The following PTPRN2 variants were observed in gnomAD, a reference collection of about 807,000 sequenced individuals.
PTPRN2 encodes protein tyrosine phosphatase receptor type N2, also known as receptor-type tyrosine-protein phosphatase N2.
Under a neutral mutation model 118.8 loss-of-function variants are expected in PTPRN2, and 74 were observed. The observed-to-expected ratio is 0.62, with a 90% confidence interval of 0.52 to 0.76. The LOEUF (loss-of-function observed/expected upper bound fraction) is 0.76. PTPRN2 is among the 30% of genes least tolerant of loss of function. PTPRN2 has a pLI of 0.00. For missense variants in PTPRN2, 1,481 were observed against 1,394.4 expected (o/e 1.06, Z -0.99); for synonymous variants, 641 against 608.0 (o/e 1.05, Z -0.80).
rs1279074158 is a variant in PTPRN2, at chr7:158,526,245, C to T, written c.113-36460G>A. 1.3e-5 allele frequency among the ~76,000 whole-genome samples: 2 copies of T among 152,178 alleles called. No homozygotes were observed. The highest frequency in any genetic ancestry group is 2.1e-4 in the South Asian group (1 of 4,828). On this transcript the variant is annotated intron_variant, in intron 1 of 22. Transcript: ENST00000389418. This position sits in a 1 kb window ranked among gnomAD's most constrained non-coding sequence, Gnocchi z 5.2. Reference sequence around the variant, plus strand: ...CTTGTGTGGCGAAGGGGTCACCCCTCGTGCAGGCTCAGGCCCTCCCTGCCC... The same window carrying T: ...CTTGTGTGGCGAAGGGGTCACCCCTTGTGCAGGCTCAGGCCCTCCCTGCCC...
chr7:158,202,365 G>T (rs527453918), intron 4 of PTPRN2, among the ~76,000 whole-genome samples: 1 of 152,052 alleles, frequency 6.6e-6, no homozygotes, highest in African/African-American at 2.4e-5. Context: ...TGTCAGAGTC[G>T]GGCATGAGGA....
chr7:158,413,404 A>T (rs1161187740), intron 2 of PTPRN2, among the ~76,000 whole-genome samples: 2 of 152,268 alleles, frequency 1.3e-5, no homozygotes, highest in Non-Finnish European at 1.5e-5. Context: ...CAAAAAAATA[A>T]AACATTGTCT....
intron 10 of PTPRN2, among the ~76,000 whole-genome samples, chr7:158,084,159 A>T (rs569316548): frequency 1.3e-5 from 2 of 152,302 alleles, no homozygotes; most frequent in African/African-American, 4.8e-5. Context: ...TGCAGTAAAC[A>T]GGGGCAACAC....
intron 3 of PTPRN2, among the ~76,000 whole-genome samples, chr7:158,314,216 A>G (rs1446652469): frequency 2.0e-5 from 3 of 152,298 alleles, no homozygotes; most frequent in Non-Finnish European, 4.4e-5. Flanking sequence ...AGTCACGCCC[A>G]TTCTCATTGA....
chr7:158,042,282 C>T (rs186321943), intron 11 of PTPRN2, among the ~76,000 whole-genome samples: 35 of 152,272 alleles, frequency 2.3e-4, no homozygotes, highest in African/African-American at 8.2e-4. Flanking sequence ...ATCCGACTGC[C>T]CCATCGTGCT....
In PTPRN2 at chr7:157,736,856, G is replaced by A. The variant is rs560362509; in HGVS notation, c.1789-53919C>T. On this transcript the variant is annotated intron_variant, in intron 12 of 22. Coordinates refer to ENST00000389418, the MANE Select transcript of PTPRN2 (RefSeq NM_002847.5). ...GGAGGTACAATCCCACCAGTGCCCG[G>A]CTGGACACATATTGGTTTTGGAGCC... 8.0e-4 allele frequency among the ~76,000 whole-genome samples: 122 copies of A among 152,294 alleles called. 1 individual carries two copies. The highest frequency in any genetic ancestry group is 2.8e-3 in the African/African-American group (115 of 41,570).
intron 12 of PTPRN2, among the ~76,000 whole-genome samples, chr7:157,737,427 T>C (rs1800365534): frequency 6.6e-6 from 1 of 152,242 alleles, no homozygotes; most frequent in African/African-American, 2.4e-5. Context: ...GAGTGAGCCC[T>C]ACATGCAGGA....
At chr7:157,561,554 AG>A (rs1175368749) in intron 21 of PTPRN2, among the ~76,000 whole-genome samples, 23 of 152,374 alleles carry the variant, frequency 1.5e-4, no homozygotes, top group African/African-American at 3.4e-4. Flanking sequence ...CAGACTGAGC[AG>A]GGTTCTGCAT....
At position 158,563,453 on chromosome 7, in the gene PTPRN2, G is replaced by A. The variant is rs928469369; in HGVS notation, c.112+24105C>T. Among the ~76,000 whole-genome samples, 13 of 152,282 alleles carry A rather than the reference G, an allele frequency of 8.5e-5. No individual in the cohort carries two copies. Among genetic ancestry groups the A allele is most frequent in the African/African-American group, 2.2e-4 (9 of 41,552 alleles). On this transcript the variant is annotated intron_variant, in intron 1 of 22. Transcript: ENST00000389418. The surrounding 1 kb of genome is among the most constrained non-coding windows in gnomAD (Gnocchi z 5.1). ...TCATAATATGAAGTTTGGGTGAGGCGGTGCCAAAACCCAGCTGGTGCAAGC... is the reference window on the plus strand; with the variant it reads ...TCATAATATGAAGTTTGGGTGAGGCAGTGCCAAAACCCAGCTGGTGCAAGC...
rs974794295 is a variant in PTPRN2 at position 157,861,388 on chromosome 7, G to A, written c.1788+37285C>T. On this transcript the variant is annotated intron_variant, in intron 12 of 22. Coordinates refer to ENST00000389418, the MANE Select transcript of PTPRN2 (RefSeq NM_002847.5). This position sits in a 1 kb window ranked among gnomAD's most constrained non-coding sequence, Gnocchi z 5.8. ...CCTTCAGTCTGCGCTCCCTGCGGTG[G>A]GCAGTGGCTTCTGTGTTTTGCCGTC... is the stretch of plus-strand genomic sequence containing the variant. 1.3e-5 allele frequency among the ~76,000 whole-genome samples: 2 copies of A among 152,242 alleles called. No individual in the cohort carries two copies. The highest frequency in any genetic ancestry group is 2.4e-5 in the African/African-American group (1 of 41,474).
At chr7:157,760,154 C>T (rs1263968468) in intron 12 of PTPRN2, among the ~76,000 whole-genome samples, 2 of 152,188 alleles carry the variant, frequency 1.3e-5, no homozygotes, top group Non-Finnish European at 2.9e-5. Context: ...ACATCACCCA[C>T]TGAATCTCTC....
chr7:157,658,606 C>T (rs1795715267), intron 13 of PTPRN2, among the ~76,000 whole-genome samples: 1 of 152,212 alleles, frequency 6.6e-6, no homozygotes, highest in South Asian at 2.1e-4. Context: ...ACGCCGGGAC[C>T]CCGCTGCTGC....
intron 9 of PTPRN2, among the ~76,000 whole-genome samples, chr7:158,117,524 G>A (rs938023707): frequency 6.6e-6 from 1 of 152,150 alleles, no homozygotes; most frequent in Non-Finnish European, 1.5e-5. Flanking sequence ...AACAATACCT[G>A]AAAACTTCCC....
At chr7:158,356,674 A>G (rs1320243635) in intron 2 of PTPRN2, among the ~76,000 whole-genome samples, 1 of 152,190 alleles carries the variant, frequency 6.6e-6, no homozygotes, top group Non-Finnish European at 1.5e-5. Context: ...CTGTGCGTAA[A>G]GAAAATACAA....
chr7:157,656,494 T>C lies in PTPRN2; in HGVS notation c.2059A>G (p.Thr687Ala). The C allele has an allele frequency of 6.4e-7, 1 of 1,554,180 alleles. No homozygotes were observed. The highest frequency in any genetic ancestry group is 8.7e-7 in the Non-Finnish European group (1 of 1,153,668). Residue 687 changes from threonine to alanine, a missense_variant, in exon 14 of 23, where the codon ACG becomes GCG. This residue lies in a region of PTPRN2 where 1,115 missense variants were observed against 994.2 expected (regional missense o/e 1.12). Coordinates refer to ENST00000389418, the MANE Select transcript of PTPRN2 (RefSeq NM_002847.5). ...GATGAGACGCTGCTGATGCGTGACG[T>C]GTGCGGGCCCTCAGGTCGGTCTGGT... is the stretch of plus-strand genomic sequence containing the variant. ...RPPDRPEGPH[T>A]SRISSVSSQF...
intron 21 of PTPRN2, among the ~76,000 whole-genome samples, chr7:157,552,318 T>C (rs1798672339): frequency 6.6e-6 from 1 of 152,236 alleles, no homozygotes; most frequent in Non-Finnish European, 1.5e-5. Flanking sequence ...TATTTCTATG[T>C]ACAGGGAAAC....
chr7:158,065,280 A>AG (rs199957590), intron 11 of PTPRN2, among the ~76,000 whole-genome samples: 1,714 of 152,332 alleles, frequency 0.011, 29 homozygotes, highest in African/African-American at 0.033. Context: ...CCTCCTCAGC[A>AG]GCTTCAGGTG....
chr7:158,330,883 CCAAACTCTCACCATAA>C lies in PTPRN2; in HGVS notation c.164-13967_164-13952del, dbSNP rs1804247240. 1.9e-5 allele frequency among the ~76,000 whole-genome samples: 2 copies of C among 103,544 alleles called. 1 individual carries two copies. The highest frequency in any genetic ancestry group is 7.0e-5 in the African/African-American group (2 of 28,740). The allele number at this position is 103,544 out of a possible 152,430, so 67.9% of individuals were successfully genotyped here. The stretch of plus-strand genomic sequence containing the variant: ...TGATGCCCGCAGACGTCATTCACAC[CCAAACTCTCACCATAA>C]GAGCTGACACCTGCAGACGTCACTC... On this transcript the variant is annotated intron_variant, in intron 2 of 22. Coordinates refer to ENST00000389418, the MANE Select transcript of PTPRN2 (RefSeq NM_002847.5).
chr7:158,279,157 G>A (rs1015529938), intron 3 of PTPRN2, among the ~76,000 whole-genome samples: 12 of 152,176 alleles, frequency 7.9e-5, no homozygotes, highest in African/African-American at 1.2e-4. Flanking sequence ...ATATCTGGCC[G>A]CACCTACATC....
Sources: gnomAD v4.1 joint callset for allele counts (sites outside exome capture counted in the v4.1 genomes callset) on GRCh38, gnomAD v4.1.1 for gene constraint, gnomAD v4.1.1 regional missense constraint, Gnocchi (gnomAD v3.1) non-coding constraint, MANE v1.5 for transcripts, NCBI Gene and HGNC (gene_info 2026-07-23, HGNC 2026-07-21) for gene names.